TBC1D4: variants seen among roughly 807,000 people sequenced by gnomAD.
TBC1D4 encodes the protein TBC1 domain family member 4.
TBC1D4 carries 121 observed loss-of-function variants against 142.5 expected under a neutral mutation model. The ratio of observed to expected loss-of-function variants is 0.85; its 90% CI spans 0.73 to 0.99. TBC1D4 has a LOEUF of 0.99. Ranked by LOEUF, TBC1D4 falls within the 50% of genes least tolerant of loss-of-function variation. The pLI is 0.00. For missense variants in TBC1D4, 1,475 were observed against 1,606.6 expected (o/e 0.92, Z 1.40); for synonymous variants, 630 against 628.2 (o/e 1.00, Z -0.04).
chr13:75,458,729 G>GA (rs1697369310), intron 1 of TBC1D4, among the ~76,000 whole-genome samples: 1 of 151,806 alleles, frequency 6.6e-6, no homozygotes, highest in Admixed American at 6.6e-5. Flanking sequence ...TTTTTTAACA[G>GA]TTTTTTTTAA....
In TBC1D4 at chr13:75,361,980, C is replaced by G. The variant is rs1295399138; in HGVS notation, c.1080+46G>C. The G allele has an allele frequency of 1.9e-6, 3 of 1,609,640 alleles. No homozygotes were observed. The East Asian group carries it at 6.7e-5, about 36-fold the overall frequency. On this transcript the variant is annotated intron_variant, in intron 2 of 20. Transcript: ENST00000377636. The stretch of plus-strand genomic sequence containing the variant: ...GAACTGGATGCCCAGCTACTTCCAT[C>G]TGGCACCTTTTGGGGCAAGGGCAGA...
chr13:75,370,239 G>C (rs925634805), intron 1 of TBC1D4, among the ~76,000 whole-genome samples: 1 of 152,162 alleles, frequency 6.6e-6, no homozygotes, highest in African/African-American at 2.4e-5. Flanking sequence ...ACGCGATTAT[G>C]GGGGAGGCAG....
rs531187940 is a variant in TBC1D4 at position 75,295,593 on chromosome 13, C to T, written c.3157-580G>A. Among the ~76,000 whole-genome samples the T allele has an allele frequency of 5.3e-5, 8 of 152,182 alleles. No individual in the cohort carries two copies. The South Asian group carries it at 1.5e-3, about 28-fold the overall frequency. ...CCAGCAGCATATTTTTCATGACAAACGTGATTAAGGCAAAAAGTGCAGTTG... is the reference window on the plus strand; with the variant it reads ...CCAGCAGCATATTTTTCATGACAAATGTGATTAAGGCAAAAAGTGCAGTTG... On this transcript the variant is annotated intron_variant, in intron 17 of 20. Coordinates refer to ENST00000377636, the MANE Select transcript of TBC1D4 (RefSeq NM_014832.5).
chr13:75,434,929 C>T (rs979283247), intron 1 of TBC1D4, among the ~76,000 whole-genome samples: 1 of 149,894 alleles, frequency 6.7e-6, no homozygotes, highest in Non-Finnish European at 1.5e-5. Flanking sequence ...AGGCAAGTCA[C>T]CTGAGGTTAG....
chr13:75,420,687 C>T (rs975442660), intron 1 of TBC1D4, among the ~76,000 whole-genome samples: 4 of 152,198 alleles, frequency 2.6e-5, no homozygotes, highest in Non-Finnish European at 2.9e-5. Flanking sequence ...TAACCCCACA[C>T]AATTATGCTT....
intron 1 of TBC1D4, among the ~76,000 whole-genome samples, chr13:75,383,663 G>A (rs1384077956): frequency 5.3e-5 from 8 of 151,880 alleles, no homozygotes; most frequent in Admixed American, 5.2e-4. Context: ...TTTCTTGCTG[G>A]GCCTATTAAA....
At chr13:75,433,858 T>G (rs1385393011) in intron 1 of TBC1D4, among the ~76,000 whole-genome samples, 1 of 152,090 alleles carries the variant, frequency 6.6e-6, no homozygotes, top group Non-Finnish European at 1.5e-5. Context: ...GCAAAGGACA[T>G]GAACAGACAC....
chr13:75,302,746 T>A (rs1161175512), intron 15 of TBC1D4: 2 of 341,162 alleles, frequency 5.9e-6, no homozygotes, highest in Non-Finnish European at 1.1e-5. Flanking sequence ...CAATTACTAT[T>A]AGGTCCACTT....
At chr13:75,290,120 T>C (rs891134394) in intron 19 of TBC1D4, among the ~76,000 whole-genome samples, 2 of 152,128 alleles carry the variant, frequency 1.3e-5, no homozygotes, top group African/African-American at 4.8e-5. Context: ...TTTTTAATTA[T>C]AAATCAGGTT....
intron 1 of TBC1D4, among the ~76,000 whole-genome samples, chr13:75,415,077 T>C (rs1431935707): frequency 7.0e-6 from 1 of 141,862 alleles, no homozygotes; most frequent in Non-Finnish European, 1.5e-5. Flanking sequence ...TGAGCCGAGA[T>C]CATGCCACTG....
At position 75,471,901 on chromosome 13, in the gene TBC1D4, G is replaced by A. The variant is rs181371044; in HGVS notation, c.498+9369C>T. Reference sequence around the variant, plus strand: ...GCGGGCGGATCACCTGAGGTCGGGAGTGCGAGACCAGCCTGGTCAACGTGG... The same window carrying A: ...GCGGGCGGATCACCTGAGGTCGGGAATGCGAGACCAGCCTGGTCAACGTGG... On this transcript the variant is annotated intron_variant, in intron 1 of 20. Transcript: ENST00000377636. Among the ~76,000 whole-genome samples, 170 of 152,108 alleles carry A rather than the reference G, an allele frequency of 1.1e-3. 1 individual carries two copies. The highest frequency in any genetic ancestry group is 3.9e-3 in the African/African-American group (160 of 41,490).
intron 12 of TBC1D4, among the ~76,000 whole-genome samples, chr13:75,315,738 A>G (rs1288686958): frequency 6.6e-6 from 1 of 152,178 alleles, no homozygotes; most frequent in Non-Finnish European, 1.5e-5. Flanking sequence ...AGTGAAACAG[A>G]CAAAAATACT....
At chr13:75,388,277 T>C (rs1434351262) in intron 1 of TBC1D4, among the ~76,000 whole-genome samples, 3 of 152,310 alleles carry the variant, frequency 2.0e-5, no homozygotes, top group Admixed American at 6.5e-5. Flanking sequence ...CAAGGTAATA[T>C]ATTCATAGGT....
Position 75,315,888 on chromosome 13 carries a change from G to A in TBC1D4, c.2223-2990C>T, listed in dbSNP as rs1031456244. Among the ~76,000 whole-genome samples, 4 of 152,090 alleles carry A rather than the reference G, an allele frequency of 2.6e-5. No individual in the cohort carries two copies. The East Asian group carries it at 7.7e-4, about 29-fold the overall frequency. ...ACTGGTAGGTATTGACCATGACAATGTTGTTAATAAACAACAAAAAGCATA... is the reference window on the plus strand; with the variant it reads ...ACTGGTAGGTATTGACCATGACAATATTGTTAATAAACAACAAAAAGCATA... On this transcript the variant is annotated intron_variant, in intron 12 of 20. Transcript: ENST00000377636.
chr13:75,335,060 G>A (rs485988), intron 8 of TBC1D4, among the ~76,000 whole-genome samples: 72,804 of 151,894 alleles, frequency 0.48, 17,634 homozygotes, highest in South Asian at 0.67. Context: ...ACCCCAACAC[G>A]TGCACATCCT....
At chr13:75,367,054 C>T in intron 1 of TBC1D4, 1 of 883,490 alleles carries the variant, frequency 1.1e-6, no homozygotes, top group Non-Finnish European at 1.4e-6. Context: ...TTATTAAAGT[C>T]CACGTTATCA....
intron 2 of TBC1D4, among the ~76,000 whole-genome samples, chr13:75,360,082 G>C (rs1440440880): frequency 1.6e-5 from 2 of 127,470 alleles, no homozygotes; most frequent in Admixed American, 8.8e-5. Context: ...AATTAAGTTA[G>C]TCTTCAATTA....
chr13:75,413,972 G>C (rs1387160202), intron 1 of TBC1D4, among the ~76,000 whole-genome samples: 1 of 152,086 alleles, frequency 6.6e-6, no homozygotes, highest in Non-Finnish European at 1.5e-5. Flanking sequence ...TTGTGCTTAG[G>C]GTGGAAAAAA....
At chr13:75,367,041 T>C (rs1593799678) in intron 1 of TBC1D4, 3 of 950,160 alleles carry the variant, frequency 3.2e-6, no homozygotes, top group Non-Finnish European at 3.8e-6. Flanking sequence ...ATTTTCATTG[T>C]ATTTATTAAA....
Sources: gnomAD v4.1 joint callset for allele counts (sites outside exome capture counted in the v4.1 genomes callset) on GRCh38, gnomAD v4.1.1 for gene constraint, MANE v1.5 for transcripts, NCBI Gene and HGNC (gene_info 2026-07-23, HGNC 2026-07-21) for gene names.